The following TMEM131L variants were observed in gnomAD, a reference collection of about 807,000 sequenced individuals.
The protein encoded by TMEM131L is transmembrane protein 131-like.
TMEM131L carries 54 observed loss-of-function variants against 192.2 expected under a neutral mutation model. The observed-to-expected ratio is 0.28, with a 90% CI of 0.23 to 0.35. The LOEUF is 0.35. Among genes scored for constraint, TMEM131L ranks in the 10% least tolerant of loss-of-function variants. The pLI, the probability that TMEM131L is intolerant of heterozygous loss-of-function variation, is 1.00. For missense variants in TMEM131L, 1,888 were observed against 1,972.9 expected (o/e 0.96, Z 0.82); for synonymous variants, 701 against 704.9 (o/e 0.99, Z 0.09).
intron 3 of TMEM131L, among the ~76,000 whole-genome samples, chr4:153,480,135 C>A (rs138220891): frequency 6.6e-6 from 1 of 152,070 alleles, no homozygotes; most frequent in Non-Finnish European, 1.5e-5. Context: ...GTCAGGAGAT[C>A]GAGACCATCC....
chr4:153,585,216 G>A (rs543693114), intron 12 of TMEM131L, among the ~76,000 whole-genome samples: 1 of 152,218 alleles, frequency 6.6e-6, no homozygotes, highest in Non-Finnish European at 1.5e-5. Context: ...TCAGGTTCTG[G>A]TTTGGTCCTG....
intron 7 of TMEM131L, among the ~76,000 whole-genome samples, chr4:153,564,546 T>A (rs1461799625): frequency 6.6e-6 from 1 of 152,176 alleles, no homozygotes; most frequent in Non-Finnish European, 1.5e-5. Context: ...TTAAGATTGC[T>A]TTTTTAAACC....
At chr4:153,537,497 AG>A (rs774102862) in intron 3 of TMEM131L, among the ~76,000 whole-genome samples, 18 of 152,330 alleles carry the variant, frequency 1.2e-4, no homozygotes, top group Non-Finnish European at 2.2e-4. Context: ...ATGCTAAATA[AG>A]GGGTGGATTA....
rs201560424 is a variant in TMEM131L, at chr4:153,503,969, GT to G, written c.239+30088del. 6.8e-3 allele frequency among the ~76,000 whole-genome samples: 1,028 copies of G among 152,140 alleles called. 10 individuals carry two copies. The highest frequency in any genetic ancestry group is 0.024 in the African/African-American group (990 of 41,542). ...AGTGAATGTTAAATGCACTTGTGTG[GT>G]TTTTTTGTTTTTTGGAGATGGAGTC... is the stretch of plus-strand genomic sequence containing the variant. On this transcript the variant is annotated intron_variant, in intron 3 of 34. Coordinates refer to ENST00000409959, the MANE Select transcript of TMEM131L (RefSeq NM_001131007.2).
intron 26 of TMEM131L, among the ~76,000 whole-genome samples, chr4:153,618,818 C>G (rs530880148): frequency 6.6e-6 from 1 of 152,104 alleles, no homozygotes; most frequent in African/African-American, 2.4e-5. Context: ...TGCTCTTCCT[C>G]GGATTTCTTG....
intron 4 of TMEM131L, among the ~76,000 whole-genome samples, chr4:153,552,517 C>A (rs1438472207): frequency 6.6e-6 from 1 of 152,126 alleles, no homozygotes; most frequent in East Asian, 1.9e-4. Flanking sequence ...TATTTACACA[C>A]AACCTCCCAT....
chr4:153,566,287 A>T (rs757275327), intron 7 of TMEM131L, among the ~76,000 whole-genome samples: 4 of 151,882 alleles, frequency 2.6e-5, no homozygotes, highest in East Asian at 3.9e-4. Flanking sequence ...AGGCGCCCGC[A>T]AGCACGCCCA....
chr4:153,592,319 A>G (rs966398593), intron 17 of TMEM131L, among the ~76,000 whole-genome samples, 156 bp from the exon 18 acceptor site: 2 of 151,632 alleles, frequency 1.3e-5, no homozygotes, highest in Non-Finnish European at 2.9e-5. Flanking sequence ...TGACATAGAC[A>G]TTTTTGAAGC....
intron 8 of TMEM131L, 85 bp from the exon 9 acceptor site, chr4:153,581,322 A>G (rs1730323148): frequency 9.1e-7 from 1 of 1,102,912 alleles, no homozygotes; most frequent in African/African-American, 1.6e-5. Flanking sequence ...CATTACGTTA[A>G]ATGCTTCTCC....
At chr4:153,551,706 A>T (rs982238991) in intron 4 of TMEM131L, among the ~76,000 whole-genome samples, 1 of 152,188 alleles carries the variant, frequency 6.6e-6, no homozygotes, top group Non-Finnish European at 1.5e-5. Flanking sequence ...AAAAGATTCT[A>T]TAAAGGGAAG....
At chr4:153,620,160 GC>G (rs1326300709) in intron 26 of TMEM131L, among the ~76,000 whole-genome samples, 1 of 152,168 alleles carries the variant, frequency 6.6e-6, no homozygotes, top group African/African-American at 2.4e-5. Context: ...AGAGGAAAAG[GC>G]TCCAATTGAG....
chr4:153,573,184 C>A (rs961907070), intron 7 of TMEM131L, among the ~76,000 whole-genome samples: 1 of 152,166 alleles, frequency 6.6e-6, no homozygotes, highest in Non-Finnish European at 1.5e-5. Context: ...TGAGTGTATG[C>A]CTAGAAATGG....
At chr4:153,585,391 G>A in intron 12 of TMEM131L, 67 bp from the exon 13 acceptor site, 4 of 1,474,966 alleles carry the variant, frequency 2.7e-6, no homozygotes, top group Non-Finnish European at 3.7e-6. Flanking sequence ...TGCAATTAGA[G>A]GCTCATAAGA....
chr4:153,617,216 C>T (rs1050434391), intron 26 of TMEM131L, among the ~76,000 whole-genome samples: 6 of 152,186 alleles, frequency 3.9e-5, no homozygotes, highest in Non-Finnish European at 8.8e-5. Context: ...CTCTTGTCTG[C>T]TGCCATGTGA....
At chr4:153,469,578 A>G (rs1211039819) in intron 2 of TMEM131L, among the ~76,000 whole-genome samples, 1 of 152,166 alleles carries the variant, frequency 6.6e-6, no homozygotes, top group Non-Finnish European at 1.5e-5. Context: ...AGATGGCTTC[A>G]GAGGCTAAGA....
At chr4:153,606,832 T>C (rs890314906) in intron 25 of TMEM131L, among the ~76,000 whole-genome samples, 1 of 152,244 alleles carries the variant, frequency 6.6e-6, no homozygotes, top group African/African-American at 2.4e-5. Flanking sequence ...AAAGAACTTT[T>C]GCTTTCCACC....
At chr4:153,593,978 G>C (rs1030374115) in intron 19 of TMEM131L, 107 bp downstream of exon 19, 17 of 740,510 alleles carry the variant, frequency 2.3e-5, no homozygotes, top group Non-Finnish European at 3.7e-5. Flanking sequence ...ACTATATATG[G>C]CTCTTTTATT....
intron 3 of TMEM131L, among the ~76,000 whole-genome samples, chr4:153,490,970 A>G (rs1031947612): frequency 2.0e-5 from 3 of 151,588 alleles, no homozygotes; most frequent in Non-Finnish European, 2.9e-5. Flanking sequence ...AAAAAAAAAA[A>G]AAAAGAAAGC....
chr4:153,616,992 A>C (rs1331233073), intron 26 of TMEM131L, among the ~76,000 whole-genome samples: 6 of 152,218 alleles, frequency 3.9e-5, no homozygotes, highest in Non-Finnish European at 5.9e-5. Flanking sequence ...GATGTCAAAA[A>C]ATAGAATGAA....
Sources: allele counts gnomAD v4.1 joint callset (sites outside exome capture counted in the v4.1 genomes callset), GRCh38; gene constraint gnomAD v4.1.1; transcripts MANE v1.5; gene names NCBI Gene and HGNC (gene_info 2026-07-23, HGNC 2026-07-21).